CLASP1: variants seen among roughly 807,000 people sequenced by gnomAD.
CLASP1 encodes cytoplasmic linker associated protein 1, also known as CLIP-associating protein 1.
Under a neutral mutation model 192.3 loss-of-function variants are expected in CLASP1, and 38 were observed. The observed-to-expected ratio is 0.20, with a 90% CI of 0.15 to 0.26. The LOEUF (loss-of-function observed/expected upper bound fraction) is 0.26, where lower values mean the gene tolerates loss of function less well. CLASP1 is among the 10% of genes least tolerant of loss of function. The probability of loss-of-function intolerance (pLI) is 1.00; values close to 1 mark genes in which losing one functional copy is unlikely to be tolerated. For missense variants in CLASP1, 1,433 were observed against 1,932.5 expected (o/e 0.74, Z 4.85); for synonymous variants, 691 against 712.8 (o/e 0.97, Z 0.49).
intron 39 of CLASP1, among the ~76,000 whole-genome samples, chr2:121,346,576 A>G (rs2063492115): frequency 6.6e-6 from 1 of 152,242 alleles, no homozygotes; most frequent in Admixed American, 6.5e-5. Flanking sequence ...CCATGCCCAC[A>G]GGGATGTTGC....
chr2:121,525,928 C>T lies in CLASP1; in HGVS notation c.471-8G>A. The T allele has an allele frequency of 1.9e-6, 3 of 1,608,008 alleles. No individual in the cohort carries two copies. Among genetic ancestry groups the T allele is most frequent in the Non-Finnish European group, 2.6e-6 (3 of 1,175,338 alleles). ...AAAGTCTGTGCTCCAGAGCTGAAAA[C>T]AAAAGGAGTGCTTTCTTGTTAGTGA... On this transcript the variant is annotated splice_region_variant and splice_polypyrimidine_tract_variant and intron_variant, in intron 5 of 39. Coordinates refer to ENST00000263710, the Ensembl canonical transcript of CLASP1.
intron 17 of CLASP1, 135 bp downstream of exon 17, chr2:121,448,818 A>G (rs1452370801): frequency 1.2e-6 from 1 of 818,084 alleles, no homozygotes; most frequent in African/African-American, 1.7e-5. Context: ...CTTACTTTGC[A>G]CCAGGATCTA....
At chr2:121,569,685 T>C (rs2059814812) in intron 2 of CLASP1, among the ~76,000 whole-genome samples, 1 of 151,938 alleles carries the variant, frequency 6.6e-6, no homozygotes, top group African/African-American at 2.4e-5. Flanking sequence ...AAATGGGATA[T>C]AAAAAGTTAG....
intron 37 of CLASP1, among the ~76,000 whole-genome samples, chr2:121,361,592 T>A (rs1214047610): frequency 6.6e-6 from 1 of 152,030 alleles, no homozygotes; most frequent in South Asian, 2.1e-4. Flanking sequence ...ATTATGAAAA[T>A]TTTTTGTGGT....
intron 2 of CLASP1, among the ~76,000 whole-genome samples, chr2:121,595,325 A>G (rs187372170): frequency 1.3e-5 from 2 of 152,344 alleles, no homozygotes; most frequent in Admixed American, 1.3e-4. Flanking sequence ...TGTTATAATT[A>G]CACCAGGCAA....
At chr2:121,465,829 A>C (rs2089454069) in intron 9 of CLASP1, among the ~76,000 whole-genome samples, 1 of 152,224 alleles carries the variant, frequency 6.6e-6, no homozygotes, top group Admixed American at 6.5e-5. Flanking sequence ...AGAGATATAG[A>C]TCAATGAAAC....
At chr2:121,565,963 C>T (rs1390576431) in intron 2 of CLASP1, among the ~76,000 whole-genome samples, 1 of 152,196 alleles carries the variant, frequency 6.6e-6, no homozygotes, top group Non-Finnish European at 1.5e-5. Context: ...CACAAGTGAA[C>T]TTTCTTGCAG....
At chr2:121,486,449 T>C (rs973829337) in intron 8 of CLASP1, among the ~76,000 whole-genome samples, 3 of 152,180 alleles carry the variant, frequency 2.0e-5, no homozygotes, top group African/African-American at 7.2e-5. Flanking sequence ...CCATATATCC[T>C]TTCATTGATT....
At chr2:121,552,913 C>A (rs1449066784) in intron 2 of CLASP1, among the ~76,000 whole-genome samples, 2 of 152,186 alleles carry the variant, frequency 1.3e-5, no homozygotes, top group Non-Finnish European at 2.9e-5. Flanking sequence ...CAGCACTATT[C>A]ACAATAGCAA....
chr2:121,586,309 T>C (rs957266887), intron 2 of CLASP1, among the ~76,000 whole-genome samples: 4 of 152,126 alleles, frequency 2.6e-5, no homozygotes, highest in African/African-American at 4.8e-5. Context: ...GTATTTTTAA[T>C]AGAGATGGGG....
chr2:121,401,780 CTTAGG>C (rs749349377), intron 27 of CLASP1, 83 bp downstream of exon 28: 19 of 911,788 alleles, frequency 2.1e-5, no homozygotes, highest in Non-Finnish European at 3.4e-5. Flanking sequence ...ACTCTTGTAA[CTTAGG>C]TTAACACTGT....
At chr2:121,642,833 A>C (rs934926478) in intron 1 of CLASP1, among the ~76,000 whole-genome samples, 14 of 152,218 alleles carry the variant, frequency 9.2e-5, no homozygotes, top group Admixed American at 7.2e-4. Context: ...TAAGAAAACC[A>C]TCCATAAAAC....
At chr2:121,610,884 G>A (rs185595695) in intron 1 of CLASP1, among the ~76,000 whole-genome samples, 12 of 145,660 alleles carry the variant, frequency 8.2e-5, no homozygotes, top group East Asian at 2.2e-4. Flanking sequence ...GAGAGCTGGC[G>A]GAGGAAGAGG....
intron 22 of CLASP1, among the ~76,000 whole-genome samples, chr2:121,422,679 G>C (rs2079703366): frequency 6.6e-6 from 1 of 152,044 alleles, no homozygotes; most frequent in African/African-American, 2.4e-5. Flanking sequence ...GGAATTACAG[G>C]CTGTTCTGCT....
chr2:121,402,890 A>T (rs750363), intron 26 of CLASP1, among the ~76,000 whole-genome samples: 44,995 of 152,058 alleles, frequency 0.3, 10,538 homozygotes, highest in African/African-American at 0.65. Context: ...TTGTTCAGGC[A>T]GGAGTGCAGT....
intron 19 of CLASP1, among the ~76,000 whole-genome samples, chr2:121,438,159 G>C (rs1408086257): frequency 6.6e-6 from 1 of 152,166 alleles, no homozygotes; most frequent in Non-Finnish European, 1.5e-5. Context: ...TTAGATTTGA[G>C]AGTAGCTTCC....
At chr2:121,418,366 T>C (rs1159691702) in intron 23 of CLASP1, among the ~76,000 whole-genome samples, 1 of 152,254 alleles carries the variant, frequency 6.6e-6, no homozygotes, top group Non-Finnish European at 1.5e-5. Flanking sequence ...ACAGATGGGC[T>C]TGCCCAAGAG....
At position 121,385,057 on chromosome 2, in the gene CLASP1, ATCTG is replaced by A. The variant is rs775380754; in HGVS notation, c.3374+2061_3374+2064del. On this transcript the variant is annotated intron_variant, in intron 32 of 39. Coordinates refer to ENST00000263710, the Ensembl canonical transcript of CLASP1. Reference sequence around the variant, plus strand: ...AAATAGCTGAGATTATATACAACAGATCTGTCTATCTGTCTGTAGTCTCCTTAAA... The same window carrying A: ...AAATAGCTGAGATTATATACAACAGATCTATCTGTCTGTAGTCTCCTTAAA... Among the ~76,000 whole-genome samples, 15 of 152,266 alleles carry A rather than the reference ATCTG, an allele frequency of 9.9e-5. No individual in the cohort carries two copies. The South Asian group carries it at 2.7e-3, about 27-fold the overall frequency.
intron 30 of CLASP1, among the ~76,000 whole-genome samples, chr2:121,393,199 C>T (rs2074677342): frequency 1.3e-5 from 2 of 152,094 alleles, no homozygotes; most frequent in South Asian, 4.1e-4. Flanking sequence ...AGAGATGAGT[C>T]TAATATGAGA....
Sources: gnomAD v4.1 joint callset for allele counts (sites outside exome capture counted in the v4.1 genomes callset) on GRCh38, gnomAD v4.1.1 for gene constraint, MANE v1.5 for transcripts, NCBI Gene and HGNC (gene_info 2026-07-23, HGNC 2026-07-21) for gene names.